Variants in IL1RAPL2 observed in about 807,000 individuals in gnomAD.
IL1RAPL2 encodes the protein X-linked interleukin-1 receptor accessory protein-like 2.
Under a neutral mutation model 44.1 loss-of-function variants are expected in IL1RAPL2, and 3 were observed. The observed-to-expected ratio is 0.07, with a 90% CI of 0.03 to 0.18. The LOEUF (loss-of-function observed/expected upper bound fraction) is 0.18, where lower values mean the gene tolerates loss of function less well. Among genes scored for constraint, IL1RAPL2 ranks in the 10% least tolerant of loss-of-function variants. IL1RAPL2 has a pLI of 1.00. For synonymous variants in IL1RAPL2, 181 were observed against 178.8 expected (o/e 1.01, Z -0.10); for missense variants, 391 against 496.4 (o/e 0.79, Z 2.02).
intron 2 of IL1RAPL2, among the ~76,000 whole-genome samples, chrX:105,061,631 C>A (rs901194347): frequency 9.0e-6 from 1 of 111,667 alleles, no homozygotes; most frequent in Non-Finnish European, 1.9e-5. Flanking sequence ...GATGAAAGTG[C>A]CTTGTTGACA....
intron 10 of IL1RAPL2, 115 bp downstream of exon 10, chrX:105,755,462 T>C (rs2038630385): frequency 1.9e-6 from 1 of 528,613 alleles, no homozygotes; most frequent in African/African-American, 2.3e-5. Context: ...GTAGAGTTTC[T>C]TAAATCCAAA....
chrX:105,530,163 C>A (rs1009368915), intron 6 of IL1RAPL2, among the ~76,000 whole-genome samples: 1 of 112,243 alleles, frequency 8.9e-6, no homozygotes, highest in Non-Finnish European at 1.9e-5. Context: ...AGTGGCTGAA[C>A]TGTTATAATC....
chrX:105,169,609 A>G (rs2033406003), intron 2 of IL1RAPL2, among the ~76,000 whole-genome samples: 1 of 99,395 alleles, frequency 1.0e-5, no homozygotes, highest in Non-Finnish European at 2.0e-5. Flanking sequence ...GCTCACTGCA[A>G]CCTCCACTTC....
rs1602662774 is a variant in IL1RAPL2 at position 104,651,923 on chromosome X, T to G, written c.-19-6972T>G. Among the ~76,000 whole-genome samples the G allele has an allele frequency of 1.8e-5, 2 of 110,938 alleles. 1 individual carries two copies. The highest frequency in any genetic ancestry group is 1.9e-4 in the Admixed American group (2 of 10,362). ...TGGTCTTTTCAGTCTTGGTTTGGGG[T>G]CTCCAAAAAGCAGAACTCTAAGGAT... is the stretch of plus-strand genomic sequence containing the variant. On this transcript the variant is annotated intron_variant, in intron 1 of 10. Coordinates refer to ENST00000372582, the MANE Select transcript of IL1RAPL2 (RefSeq NM_017416.2).
intron 5 of IL1RAPL2, among the ~76,000 whole-genome samples, chrX:105,342,376 C>T (rs1406965215): frequency 8.9e-6 from 1 of 112,221 alleles, no homozygotes; most frequent in Admixed American, 9.4e-5. Flanking sequence ...TTAGTAATTT[C>T]ATAGAAAGGT....
intron 6 of IL1RAPL2, among the ~76,000 whole-genome samples, chrX:105,496,052 C>A (rs2036354713): frequency 8.9e-6 from 1 of 112,227 alleles, no homozygotes. Flanking sequence ...GCTTCATCTG[C>A]ATGATAAAAC....
At chrX:105,645,254 G>A (rs749910759) in intron 6 of IL1RAPL2, among the ~76,000 whole-genome samples, 1 of 111,224 alleles carries the variant, frequency 9.0e-6, no homozygotes, top group East Asian at 2.8e-4. Flanking sequence ...GTTCAAGGCT[G>A]CCATATCCCT....
chrX:104,940,594 G>A (rs1470651356), intron 2 of IL1RAPL2, among the ~76,000 whole-genome samples: 2 of 110,656 alleles, frequency 1.8e-5, no homozygotes, highest in African/African-American at 3.3e-5. Context: ...TGTGGCTCTC[G>A]TCTCACTGGA....
chrX:105,138,266 T>C (rs1183405619), intron 2 of IL1RAPL2, among the ~76,000 whole-genome samples: 1 of 110,939 alleles, frequency 9.0e-6, no homozygotes, highest in East Asian at 2.9e-4. Context: ...TTCAAATAAA[T>C]TTGAAAATAT....
intron 1 of IL1RAPL2, among the ~76,000 whole-genome samples, chrX:104,649,487 A>G (rs1348157503): frequency 9.0e-6 from 1 of 111,634 alleles, no homozygotes; most frequent in African/African-American, 3.2e-5. Flanking sequence ...CCTCAGGGCC[A>G]TCTCTATGTG....
At chrX:104,961,162 T>C (rs1189911991) in intron 2 of IL1RAPL2, among the ~76,000 whole-genome samples, 1 of 111,451 alleles carries the variant, frequency 9.0e-6, no homozygotes, top group African/African-American at 3.3e-5. Context: ...ACACCTACTA[T>C]AGTAAAAATC....
chrX:104,731,399 G>T (rs1003080566), intron 2 of IL1RAPL2, among the ~76,000 whole-genome samples: 1 of 110,816 alleles, frequency 9.0e-6, no homozygotes, highest in African/African-American at 3.3e-5. Flanking sequence ...TTTTGTATAA[G>T]GTGTAACAGA....
chrX:105,746,938 AAG>A (rs1308946792), intron 8 of IL1RAPL2, among the ~76,000 whole-genome samples: 1 of 111,936 alleles, frequency 8.9e-6, no homozygotes, highest in Non-Finnish European at 1.9e-5. Context: ...CCCAAGATGA[AAG>A]AGAAGTCAGT....
At chrX:105,065,014 C>T (rs978520389) in intron 2 of IL1RAPL2, among the ~76,000 whole-genome samples, 5 of 112,415 alleles carry the variant, frequency 4.4e-5, no homozygotes, top group Non-Finnish European at 7.5e-5. Context: ...TGTACTGACA[C>T]TAAATAATTT....
At chrX:105,506,197 A>G (rs2036429810) in intron 6 of IL1RAPL2, among the ~76,000 whole-genome samples, 1 of 111,438 alleles carries the variant, frequency 9.0e-6, no homozygotes, top group Non-Finnish European at 1.9e-5. Context: ...TGGTTATTTC[A>G]GTTACCTATT....
At chrX:105,742,622 T>C (rs1160424853) in intron 8 of IL1RAPL2, among the ~76,000 whole-genome samples, 3 of 111,483 alleles carry the variant, frequency 2.7e-5, no homozygotes, top group Non-Finnish European at 5.7e-5. Flanking sequence ...AATTCTCATC[T>C]TCCAAATATT....
chrX:105,538,343 C>T (rs2036694822), intron 6 of IL1RAPL2, among the ~76,000 whole-genome samples: 1 of 110,269 alleles, frequency 9.1e-6, no homozygotes, highest in Non-Finnish European at 1.9e-5. Context: ...GCCAATTTTC[C>T]CTTGTTTATT....
chrX:105,346,021 C>T (rs1283470509), intron 5 of IL1RAPL2, among the ~76,000 whole-genome samples: 2 of 111,130 alleles, frequency 1.8e-5, no homozygotes, highest in Non-Finnish European at 3.8e-5. Flanking sequence ...CTAATATCTG[C>T]GACATCACTC....
chrX:105,526,339 A>G (rs1264676325), intron 6 of IL1RAPL2, among the ~76,000 whole-genome samples: 1 of 111,648 alleles, frequency 9.0e-6, no homozygotes, highest in African/African-American at 3.3e-5. Flanking sequence ...TAATCACCTC[A>G]ATCTCCTCTG....
Sources: allele counts gnomAD v4.1 joint callset (sites outside exome capture counted in the v4.1 genomes callset), GRCh38; gene constraint gnomAD v4.1.1; transcripts MANE v1.5; gene names NCBI Gene and HGNC (gene_info 2026-07-23, HGNC 2026-07-21).